Variants in SLC35F1 observed in about 807,000 individuals in gnomAD.
SLC35F1 encodes the protein solute carrier family 35 member F1.
A neutral mutation model predicts 48.7 loss-of-function variants in SLC35F1; 14 were observed. That is an observed-to-expected ratio of 0.29 (90% CI 0.19 to 0.45). The LOEUF (loss-of-function observed/expected upper bound fraction) is 0.45, where lower values mean the gene tolerates loss of function less well. Among genes scored for constraint, SLC35F1 ranks in the 20% least tolerant of loss-of-function variants. SLC35F1 has a pLI of 1.00. For synonymous variants in SLC35F1, 190 were observed against 202.2 expected (o/e 0.94, Z 0.51); for missense variants, 404 against 500.0 (o/e 0.81, Z 1.83).
intron 1 of SLC35F1, among the ~76,000 whole-genome samples, chr6:118,048,986 A>C (rs1056517975): frequency 2.6e-5 from 4 of 152,208 alleles, no homozygotes; most frequent in African/African-American, 7.2e-5. Flanking sequence ...ACAGTAACCA[A>C]AACAGCATAG....
intron 1 of SLC35F1, among the ~76,000 whole-genome samples, chr6:118,113,222 G>T (rs902153640): frequency 4.6e-5 from 7 of 152,050 alleles, no homozygotes; most frequent in Non-Finnish European, 1.0e-4. Flanking sequence ...AAGTAGCTGG[G>T]GCTGCAAGTG....
rs6906806 is a variant in SLC35F1 at position 117,967,852 on chromosome 6, C to T, written c.173+59953C>T. The stretch of plus-strand genomic sequence containing the variant: ...ATCCAATATGAGCATAATACAGGAA[C>T]AAATATTTTTCTTTGTTTCAGAAAC... On this transcript the variant is annotated intron_variant, in intron 1 of 7. Coordinates refer to ENST00000360388, the MANE Select transcript of SLC35F1 (RefSeq NM_001029858.4). 6.2e-3 allele frequency among the ~76,000 whole-genome samples: 950 copies of T among 152,226 alleles called. 9 individuals are homozygous for T. The highest frequency in any genetic ancestry group is 0.022 in the African/African-American group (898 of 41,538).
Position 117,907,744 on chromosome 6 carries a change from G to A in SLC35F1, c.18G>A (p.Gln6=), listed in dbSNP as rs1216126880. Residue 6 remains glutamine (Q), a synonymous_variant, in exon 1 of 8, where the codon CAG becomes CAA. Transcript: ENST00000360388. MIPPE[Q]PQQQLQPPSP... is the part of the protein sequence containing the mutation. ...CTGCCGCGATGATCCCCCCTGAGCA[G>A]CCGCAGCAGCAGCTGCAGCCGCCGT... The A allele has an allele frequency of 6.5e-7, 1 of 1,548,050 alleles. No homozygotes were observed. The highest frequency in any genetic ancestry group is 8.7e-7 in the Non-Finnish European group (1 of 1,155,334).
chr6:117,911,436 T>C (rs1049378598), intron 1 of SLC35F1, among the ~76,000 whole-genome samples: 105 of 112,886 alleles, frequency 9.3e-4, no homozygotes, highest in African/African-American at 3.5e-3. Flanking sequence ...CCTTCCTTCC[T>C]TCCTTCCTTC....
intron 3 of SLC35F1, among the ~76,000 whole-genome samples, chr6:118,258,804 T>C (rs1250020756): frequency 1.3e-5 from 2 of 151,952 alleles, no homozygotes; most frequent in Non-Finnish European, 2.9e-5. Flanking sequence ...ATTCAACAGA[T>C]GCAGTGAGAA....
intron 2 of SLC35F1, among the ~76,000 whole-genome samples, chr6:118,183,163 A>AT (rs1774607798): frequency 6.6e-6 from 1 of 152,120 alleles, no homozygotes; most frequent in Non-Finnish European, 1.5e-5. Context: ...AAAGTTCTGT[A>AT]TTTTCTGAAG....
At chr6:118,160,309 T>C (rs2114478688) in intron 2 of SLC35F1, among the ~76,000 whole-genome samples, 1 of 152,364 alleles carries the variant, frequency 6.6e-6, no homozygotes, top group East Asian at 1.9e-4. Flanking sequence ...TACGAGCTCT[T>C]CCAATTTTGA....
At chr6:117,923,666 T>TGC (rs1775948806) in intron 1 of SLC35F1, among the ~76,000 whole-genome samples, 1 of 58,866 alleles carries the variant, frequency 1.7e-5, no homozygotes, top group Non-Finnish European at 3.3e-5. Flanking sequence ...TATGTATATA[T>TGC]ACATATATGT....
chr6:118,054,684 A>G (rs1228762712), intron 1 of SLC35F1, among the ~76,000 whole-genome samples: 1 of 152,120 alleles, frequency 6.6e-6, no homozygotes, highest in Non-Finnish European at 1.5e-5. Flanking sequence ...GTTAGAACCG[A>G]TGGGTAGCAG....
chr6:118,059,160 T>A (rs1434669264), intron 1 of SLC35F1, among the ~76,000 whole-genome samples: 1 of 152,230 alleles, frequency 6.6e-6, no homozygotes, highest in Non-Finnish European at 1.5e-5. Flanking sequence ...TAGCTGGTAA[T>A]TTTCTCAACC....
chr6:118,313,162 G>A (rs1048292884), intron 7 of SLC35F1, among the ~76,000 whole-genome samples: 2 of 152,154 alleles, frequency 1.3e-5, no homozygotes, highest in Non-Finnish European at 2.9e-5. Flanking sequence ...ATTTAGTGAA[G>A]GAGTGAATGA....
intron 1 of SLC35F1, among the ~76,000 whole-genome samples, chr6:118,076,022 C>T (rs1772812526): frequency 1.3e-5 from 2 of 152,072 alleles, no homozygotes; most frequent in African/African-American, 4.8e-5. Flanking sequence ...GAGTGTCAGC[C>T]TCACTACCCA....
chr6:118,095,719 G>A (rs1465360902), intron 1 of SLC35F1, among the ~76,000 whole-genome samples: 1 of 152,090 alleles, frequency 6.6e-6, no homozygotes, highest in African/African-American at 2.4e-5. Context: ...GGCACTCAGG[G>A]GCTCAAACAG....
intron 1 of SLC35F1, among the ~76,000 whole-genome samples, chr6:117,940,204 GT>G (rs2114819094): frequency 6.6e-6 from 1 of 152,244 alleles, no homozygotes; most frequent in African/African-American, 2.4e-5. Flanking sequence ...TTATATATCT[GT>G]TTGTTTAATA....
chr6:118,172,149 A>C (rs1582710202), intron 2 of SLC35F1, among the ~76,000 whole-genome samples: 1 of 151,906 alleles, frequency 6.6e-6, no homozygotes, highest in East Asian at 1.9e-4. Context: ...GGGTTTAATC[A>C]GAACCTCCAT....
chr6:118,216,407 T>G (rs1318528969), intron 2 of SLC35F1, among the ~76,000 whole-genome samples: 1 of 149,358 alleles, frequency 6.7e-6, no homozygotes, highest in African/African-American at 2.5e-5. Flanking sequence ...TTTCTACTAC[T>G]AAAATGTTGT....
At chr6:117,916,092 C>G in intron 1 of SLC35F1, among the ~76,000 whole-genome samples, 2 of 152,194 alleles carry the variant, frequency 1.3e-5, no homozygotes, top group East Asian at 3.9e-4. Context: ...AGGACAGCAG[C>G]TAGCTATTCA....
intron 1 of SLC35F1, among the ~76,000 whole-genome samples, chr6:118,029,388 G>C (rs1418597004): frequency 1.3e-5 from 2 of 151,996 alleles, no homozygotes; most frequent in African/African-American, 4.8e-5. Flanking sequence ...GAGAGACAGA[G>C]AGACCATGTT....
intron 1 of SLC35F1, among the ~76,000 whole-genome samples, chr6:118,052,827 A>AT (rs1220106828): frequency 1.3e-5 from 2 of 152,110 alleles, no homozygotes; most frequent in South Asian, 2.1e-4. Context: ...AAATATTAGT[A>AT]TTTTTTCTAG....
Sources: gnomAD v4.1 joint callset for allele counts (sites outside exome capture counted in the v4.1 genomes callset) on GRCh38, gnomAD v4.1.1 for gene constraint, MANE v1.5 for transcripts, NCBI Gene and HGNC (gene_info 2026-07-23, HGNC 2026-07-21) for gene names.